Variants in TANC1 observed in about 807,000 individuals in gnomAD.
TANC1 encodes tetratricopeptide repeat, ankyrin repeat and coiled-coil containing 1, also known as protein TANC1.
Under a neutral mutation model 149.7 loss-of-function variants are expected in TANC1, and 77 were observed. The ratio of observed to expected loss-of-function variants is 0.51; its 90% CI spans 0.43 to 0.62. The LOEUF is 0.62. Among genes scored for constraint, TANC1 ranks in the 20% least tolerant of loss-of-function variants. The probability of loss-of-function intolerance (pLI) is 0.00; values close to 1 mark genes in which losing one functional copy is unlikely to be tolerated. For missense variants in TANC1, 1,985 were observed against 2,321.8 expected (o/e 0.85, Z 2.98); for synonymous variants, 854 against 925.0 (o/e 0.92, Z 1.39).
intron 19 of TANC1, among the ~76,000 whole-genome samples, chr2:159,203,221 T>TC (rs1266026871): frequency 5.1e-5 from 7 of 137,726 alleles, no homozygotes; most frequent in Admixed American, 3.7e-4. Context: ...TTTTTTTTTT[T>TC]TTTTGAGATG....
At chr2:159,007,032 A>G (rs762559168) in intron 2 of TANC1, among the ~76,000 whole-genome samples, 1 of 152,092 alleles carries the variant, frequency 6.6e-6, no homozygotes, top group Non-Finnish European at 1.5e-5. Context: ...ACAGTCATGC[A>G]CCATATAAGG....
At chr2:159,028,510 TTG>T (rs2039530826) in intron 2 of TANC1, among the ~76,000 whole-genome samples, 1 of 152,224 alleles carries the variant, frequency 6.6e-6, no homozygotes, top group African/African-American at 2.4e-5. Flanking sequence ...ATCTGAATCC[TTG>T]AGTTTGTATC....
Position 158,997,795 on chromosome 2 carries a change from G to T in TANC1, c.-125-3285G>T, listed in dbSNP as rs556765640. Among the ~76,000 whole-genome samples, 29 of 152,304 alleles carry T rather than the reference G, an allele frequency of 1.9e-4. 1 individual carries two copies. The highest frequency in any genetic ancestry group is 6.7e-4 in the African/African-American group (28 of 41,562). On this transcript the variant is annotated intron_variant, in intron 1 of 26. Coordinates refer to ENST00000263635, the MANE Select transcript of TANC1 (RefSeq NM_033394.3). ...GAGAAGAGACATCTTCCTTATAGAA[G>T]AATTTCGAGTAATGTTTGCAGATAC...
At chr2:159,220,016 G>GTGTGTC (rs56012261) in intron 22 of TANC1, 149 bp downstream of exon 22, 12,132 of 692,708 alleles carry the variant, frequency 0.018, 107 homozygotes, top group Non-Finnish European at 0.022. Flanking sequence ...GTGTGTGTGT[G>GTGTGTC]TGTGTCTTGT....
chr2:159,194,280 A>G lies in TANC1; in HGVS notation c.2766A>G (p.Gly922=). The G allele has an allele frequency of 6.2e-7, 1 of 1,613,732 alleles. No individual in the cohort carries two copies. Among genetic ancestry groups the G allele is most frequent in the Non-Finnish European group, 8.5e-7 (1 of 1,179,638 alleles). ...NVKVSRLLIL[G]GANVNYRTEV... ...AGGTGAGCCGTCTCCTGATTTTGGG[A>G]GGGGCCAACGTGAACTACAGGACAG... is the stretch of plus-strand genomic sequence containing the variant. Residue 922 remains glycine (G), a synonymous_variant, in exon 17 of 27, where the codon GGA becomes GGG. Transcript: ENST00000263635.
chr2:159,004,979 G>T lies in TANC1; in HGVS notation c.-16+3790G>T, dbSNP rs529305658. Among the ~76,000 whole-genome samples the T allele has an allele frequency of 2.2e-4, 33 of 152,258 alleles. 1 individual carries two copies. The highest frequency in any genetic ancestry group is 7.7e-4 in the African/African-American group (32 of 41,546). The stretch of plus-strand genomic sequence containing the variant: ...TAGATTAACTAAATGCATTTCTTAC[G>T]AGAAATAAAGCGATGGGCCGAAACA... On this transcript the variant is annotated intron_variant, in intron 2 of 26. Transcript: ENST00000263635.
intron 1 of TANC1, among the ~76,000 whole-genome samples, chr2:158,985,737 G>A (rs533901310): frequency 1.8e-4 from 28 of 152,092 alleles, no homozygotes; most frequent in South Asian, 1.5e-3. Flanking sequence ...TCCACCTCCC[G>A]GGTTCAAGCA....
rs1559096534 is a variant in TANC1, at chr2:158,981,539, AT to A, written c.-126+12758del. On this transcript the variant is annotated intron_variant, in intron 1 of 26. Coordinates refer to ENST00000263635, the MANE Select transcript of TANC1 (RefSeq NM_033394.3). ...TATATATATATATATATATATATATATATAAAGAAGTAACAGCTTAGAGTTT... is the reference window on the plus strand; with the variant it reads ...TATATATATATATATATATATATATAATAAAGAAGTAACAGCTTAGAGTTT... Among the ~76,000 whole-genome samples the A allele has an allele frequency of 7.6e-5, 8 of 105,364 alleles. No individual in the cohort carries two copies. The South Asian group carries it at 9.0e-4, about 12-fold the overall frequency. The allele number at this position is 105,364 out of a possible 152,430, so 69.1% of individuals were successfully genotyped here.
chr2:159,162,521 G>GTAT (rs1236585055), intron 7 of TANC1, among the ~76,000 whole-genome samples: 3 of 152,214 alleles, frequency 2.0e-5, no homozygotes, highest in Admixed American at 6.5e-5. Flanking sequence ...TGTAGGGTGA[G>GTAT]TATTGCTTCG....
At chr2:159,208,785 G>A (rs56306539) in intron 19 of TANC1, among the ~76,000 whole-genome samples, 24,200 of 152,174 alleles carry the variant, frequency 0.16, 2,684 homozygotes, top group Admixed American at 0.36. Context: ...TTTTAAATTC[G>A]TGCATGAGAT....
intron 13 of TANC1, among the ~76,000 whole-genome samples, chr2:159,178,101 A>G (rs1408274937): frequency 6.6e-6 from 1 of 152,260 alleles, no homozygotes; most frequent in East Asian, 1.9e-4. Context: ...ACACAGCCCC[A>G]GTGTTTGCTG....
At chr2:159,053,713 A>G (rs1352736000) in intron 2 of TANC1, among the ~76,000 whole-genome samples, 2 of 152,232 alleles carry the variant, frequency 1.3e-5, no homozygotes, top group Non-Finnish European at 2.9e-5. Flanking sequence ...CATGAATACC[A>G]TAGTTGCTAA....
At chr2:159,120,637 A>G (rs77234178) in intron 4 of TANC1, among the ~76,000 whole-genome samples, 25,765 of 152,162 alleles carry the variant, frequency 0.17, 2,306 homozygotes, top group Middle Eastern at 0.25. Context: ...GCTAAAAATT[A>G]TGTATTTCAG....
rs897778978 is a variant in TANC1, at chr2:159,030,237, G to A, written c.-16+29048G>A. Among the ~76,000 whole-genome samples the A allele has an allele frequency of 1.1e-4, 17 of 152,108 alleles. No homozygotes were observed. In the South Asian group the frequency reaches 1.7e-3, roughly 15 times the overall value. On this transcript the variant is annotated intron_variant, in intron 2 of 26. Coordinates refer to ENST00000263635, the MANE Select transcript of TANC1 (RefSeq NM_033394.3). Reference sequence around the variant, plus strand: ...AAGCAAAGATATAAAGCCAAGGGGGGAATGTCTTTCTACGGAATGGTGGTA... The same window carrying A: ...AAGCAAAGATATAAAGCCAAGGGGGAAATGTCTTTCTACGGAATGGTGGTA...
At chr2:159,034,810 T>C (rs533467881) in intron 2 of TANC1, among the ~76,000 whole-genome samples, 1 of 152,318 alleles carries the variant, frequency 6.6e-6, no homozygotes, top group African/African-American at 2.4e-5. Context: ...AGGATTTCTG[T>C]GGTATTGTTT....
intron 3 of TANC1, among the ~76,000 whole-genome samples, chr2:159,094,390 A>G (rs2045865259): frequency 6.6e-6 from 1 of 152,184 alleles, no homozygotes; most frequent in Non-Finnish European, 1.5e-5. Context: ...TCTTGCCTGT[A>G]CACCCATGAA....
intron 14 of TANC1, among the ~76,000 whole-genome samples, chr2:159,180,399 G>C (rs2056353664): frequency 6.6e-6 from 1 of 152,228 alleles, no homozygotes; most frequent in South Asian, 2.1e-4. Context: ...ACTCCATCAG[G>C]AGTGTAGGTT....
In TANC1 at chr2:159,005,666, TATA is replaced by T. The variant is rs1163203977; in HGVS notation, c.-16+4480_-16+4482del. 7.2e-5 allele frequency among the ~76,000 whole-genome samples: 11 copies of T among 151,818 alleles called. No individual in the cohort carries two copies. The South Asian group carries it at 1.7e-3, about 23-fold the overall frequency. On this transcript the variant is annotated intron_variant, in intron 2 of 26. Coordinates refer to ENST00000263635, the MANE Select transcript of TANC1 (RefSeq NM_033394.3). ...ATTAAAAATAAATATAATTTTATGATATAATTTTATAATTTTGTTATGAGGATT... is the reference window on the plus strand; with the variant it reads ...ATTAAAAATAAATATAATTTTATGATATTTTATAATTTTGTTATGAGGATT...
chr2:159,096,230 G>A (rs1376036689), intron 3 of TANC1, among the ~76,000 whole-genome samples: 1 of 151,084 alleles, frequency 6.6e-6, no homozygotes, highest in Non-Finnish European at 1.5e-5. Context: ...AGCGGGGAAG[G>A]TGATTGGTGG....
Sources: gnomAD v4.1 joint callset for allele counts (sites outside exome capture counted in the v4.1 genomes callset) on GRCh38, gnomAD v4.1.1 for gene constraint, MANE v1.5 for transcripts, NCBI Gene and HGNC (gene_info 2026-07-23, HGNC 2026-07-21) for gene names.